The following RORA variants were observed in gnomAD, a reference collection of about 807,000 sequenced individuals.
The protein encoded by RORA is RAR related orphan receptor A.
A neutral mutation model predicts 69.5 loss-of-function variants in RORA; 7 were observed. The observed-to-expected ratio is 0.10, with a 90% CI of 0.06 to 0.19. The LOEUF is 0.19. Ranked by LOEUF, RORA falls within the 10% of genes least tolerant of loss-of-function variation. The pLI is 1.00. For synonymous variants in RORA, 261 were observed against 240.8 expected (o/e 1.08, Z -0.78); for missense variants, 457 against 663.0 (o/e 0.69, Z 3.41).
intron 1 of RORA, among the ~76,000 whole-genome samples, chr15:60,772,075 T>G (rs1595702667): frequency 6.6e-6 from 1 of 152,154 alleles, no homozygotes; most frequent in Non-Finnish European, 1.5e-5. Context: ...ATTTATATTA[T>G]ACTTTAAGTT....
At chr15:61,037,890 T>C (rs73424325) in intron 1 of RORA, among the ~76,000 whole-genome samples, 4 of 152,272 alleles carry the variant, frequency 2.6e-5, no homozygotes, top group Non-Finnish European at 5.9e-5. Context: ...AGAGCAGACA[T>C]AGCATGCCAT....
At position 60,492,643 on chromosome 15, in the gene RORA, ATATT is replaced by A. The variant is rs1320999470; in HGVS notation, c.*4808_*4811del. 6.6e-6 allele frequency: 1 copy of A among 152,154 alleles called. No individual in the cohort carries two copies. The highest frequency in any genetic ancestry group is 2.4e-5 in the African/African-American group (1 of 41,434). 9.4% of individuals were successfully genotyped at this position (152,154 alleles called of 1,614,324 possible). ...GTTTTTAACATATGATGCTATATAT[ATATT>A]TATCATGAATATTTTAATTATTAGA... On this transcript the variant is annotated 3_prime_UTR_variant, in exon 11 of 11. Coordinates refer to ENST00000335670, the MANE Select transcript of RORA (RefSeq NM_134261.3).
chr15:60,548,701 G>T (rs1225719331), intron 2 of RORA, among the ~76,000 whole-genome samples: 2 of 152,100 alleles, frequency 1.3e-5, no homozygotes, highest in Non-Finnish European at 2.9e-5. Flanking sequence ...GCAGTGGCGC[G>T]ATCTCGGCTC....
chr15:60,640,815 C>T (rs1353130697), intron 2 of RORA, among the ~76,000 whole-genome samples: 1 of 152,194 alleles, frequency 6.6e-6, no homozygotes, highest in African/African-American at 2.4e-5. Flanking sequence ...CCTAGTCACT[C>T]TCTATCACAG....
intron 1 of RORA, among the ~76,000 whole-genome samples, chr15:60,769,669 GA>G: frequency 6.6e-6 from 1 of 152,094 alleles, no homozygotes; most frequent in East Asian, 1.9e-4. Flanking sequence ...GTGCCTCTCT[GA>G]TGTCTGATAT....
rs967745995 is a variant in RORA at position 60,493,576 on chromosome 15, T to G, written c.*3879A>C. 1.3e-5 allele frequency: 2 copies of G among 152,060 alleles called. No individual in the cohort carries two copies. The highest frequency in any genetic ancestry group is 2.9e-5 in the Non-Finnish European group (2 of 67,996). 9.4% of individuals were successfully genotyped at this position (152,060 alleles called of 1,614,324 possible). A position where few individuals can be genotyped will look rare whatever the true frequency, so the allele number is the denominator to read the frequency against. On this transcript the variant is annotated 3_prime_UTR_variant, in exon 11 of 11. Coordinates refer to ENST00000335670, the MANE Select transcript of RORA (RefSeq NM_134261.3). ...AAACACACATTTCTACTATGGCACATTCAATGAAATAAAAAGTTTTCCAAA... is the reference window on the plus strand; with the variant it reads ...AAACACACATTTCTACTATGGCACAGTCAATGAAATAAAAAGTTTTCCAAA...
rs542006748 is a variant in RORA, at chr15:60,732,935, A to G, written c.167-54249T>C. ...CATCATAGTATTTTCTTTCAAAACA[A>G]AAACTACTTTCTTTTGACAGAAATC... is the stretch of plus-strand genomic sequence containing the variant. On this transcript the variant is annotated intron_variant, in intron 1 of 10. Transcript: ENST00000335670. Among the ~76,000 whole-genome samples, 38 of 152,310 alleles carry G rather than the reference A, an allele frequency of 2.5e-4. 3 individuals carry two copies. In the South Asian group the frequency reaches 7.7e-3, roughly 31 times the overall value.
rs2141258552 is a variant in RORA, at chr15:60,499,902, A to G, written c.1397T>C (p.Ile466Thr). The stretch of plus-strand genomic sequence containing the variant: ...GCCTTTGGCACTCACCTTTGTTAGT[A>G]TTCCATCTTCTCGGTGATTCTTCTG... ...VLQKNHREDG[I>T]LTKLICKVST... Residue 466 changes from isoleucine (I) to threonine (T), a missense_variant, in exon 10 of 11, where the codon ATA becomes ACA. Ile to Thr is a moderately conservative substitution (Grantham distance 89). Coordinates refer to ENST00000335670, the MANE Select transcript of RORA (RefSeq NM_134261.3). The G allele has an allele frequency of 6.3e-7, 1 of 1,595,848 alleles. No homozygotes were observed. The highest frequency in any genetic ancestry group is 8.6e-7 in the Non-Finnish European group (1 of 1,165,278).
rs192525023 is a variant in RORA, at chr15:60,864,219, C to T, written c.167-185533G>A. On this transcript the variant is annotated intron_variant, in intron 1 of 10. Coordinates refer to ENST00000335670, the MANE Select transcript of RORA (RefSeq NM_134261.3). ...TTAAAAAGGAAGAGAAAATGAATGT[C>T]AGAGCTTGTGAAAATGACTGTTGAG... is the stretch of plus-strand genomic sequence containing the variant. 1.3e-5 allele frequency among the ~76,000 whole-genome samples: 2 copies of T among 152,226 alleles called. 1 individual carries two copies. The highest frequency in any genetic ancestry group is 4.8e-5 in the African/African-American group (2 of 41,530).
At chr15:60,846,807 G>A (rs556153720) in intron 1 of RORA, among the ~76,000 whole-genome samples, 1 of 152,296 alleles carries the variant, frequency 6.6e-6, no homozygotes, top group African/African-American at 2.4e-5. Flanking sequence ...AATAAACATT[G>A]CTATTGTTTT....
At chr15:61,017,700 G>A (rs562228104) in intron 1 of RORA, among the ~76,000 whole-genome samples, 1 of 152,138 alleles carries the variant, frequency 6.6e-6, no homozygotes, top group African/African-American at 2.4e-5. Flanking sequence ...AATCAGCCAC[G>A]AGCCCCCCAA....
intron 1 of RORA, among the ~76,000 whole-genome samples, chr15:61,083,476 A>T (rs901484827): frequency 2.0e-5 from 3 of 152,094 alleles, no homozygotes; most frequent in Admixed American, 2.0e-4. Context: ...GTCCCTCTGA[A>T]TCTGAGGCTG....
intron 1 of RORA, among the ~76,000 whole-genome samples, chr15:60,893,119 T>TA (rs1199563824): frequency 6.6e-6 from 1 of 152,208 alleles, no homozygotes; most frequent in Non-Finnish European, 1.5e-5. Flanking sequence ...TGTCTCCTGT[T>TA]ATGTGCTTCA....
rs1170458444 is a variant in RORA at position 60,700,865 on chromosome 15, T to C, written c.167-22179A>G. Among the ~76,000 whole-genome samples the C allele has an allele frequency of 2.0e-5, 3 of 152,190 alleles. No individual in the cohort carries two copies. In the East Asian group the frequency reaches 5.8e-4, roughly 29 times the overall value. ...ACACCCAGAGTATATTGGTTGTCTC[T>C]CCCTAGCACATCCTTAATCCAGCCT... On this transcript the variant is annotated intron_variant, in intron 1 of 10. Transcript: ENST00000335670.
At chr15:60,624,025 G>A (rs2069494271) in intron 2 of RORA, among the ~76,000 whole-genome samples, 2 of 144,418 alleles carry the variant, frequency 1.4e-5, no homozygotes, top group Non-Finnish European at 3.0e-5. Flanking sequence ...CAGGTGGAGA[G>A]TAGGGGGTGG....
At chr15:61,068,584 T>C (rs918029677) in intron 1 of RORA, among the ~76,000 whole-genome samples, 1 of 152,218 alleles carries the variant, frequency 6.6e-6, no homozygotes, top group Non-Finnish European at 1.5e-5. Context: ...GGCATCTAAA[T>C]GTATACAAGC....
At chr15:60,742,477 G>T (rs1053672448) in intron 1 of RORA, among the ~76,000 whole-genome samples, 1 of 152,200 alleles carries the variant, frequency 6.6e-6, no homozygotes, top group Non-Finnish European at 1.5e-5. Context: ...TTACCTCACA[G>T]ACATCATTTT....
rs869076097 is a variant in RORA, at chr15:60,579,064, GTTTTTTT to G, written c.197-47220_197-47214del. On this transcript the variant is annotated intron_variant, in intron 2 of 10. Transcript: ENST00000335670. ...TTACAGGTGTGAGCCACCGCGCCCG[GTTTTTTT>G]TTTTTTTTTTTTTTTAACAGCAACT... Among the ~76,000 whole-genome samples the G allele has an allele frequency of 1.0e-3, 134 of 129,672 alleles. 1 individual carries two copies. Among genetic ancestry groups the G allele is most frequent in the Middle Eastern group, 4.2e-3 (1 of 240 alleles). The allele number at this position is 129,672 out of a possible 152,430, so 85.1% of individuals were successfully genotyped here. A position where few individuals can be genotyped will look rare whatever the true frequency, so the allele number is the denominator to read the frequency against.
rs370894626 is a variant in RORA, at chr15:60,617,820, T to C, written c.196+60837A>G. The stretch of plus-strand genomic sequence containing the variant: ...AAGGAGGCCTCAGTTCATCCAGTTC[T>C]TGATAACAGTTGCTAAGCCCAAGTT... On this transcript the variant is annotated intron_variant, in intron 2 of 10. Coordinates refer to ENST00000335670, the MANE Select transcript of RORA (RefSeq NM_134261.3). 1.2e-4 allele frequency among the ~76,000 whole-genome samples: 19 copies of C among 152,308 alleles called. 1 individual carries two copies. The East Asian group carries it at 2.5e-3, about 20-fold the overall frequency.
Sources: gnomAD v4.1 joint callset for allele counts (sites outside exome capture counted in the v4.1 genomes callset) on GRCh38, gnomAD v4.1.1 for gene constraint, MANE v1.5 for transcripts, NCBI Gene and HGNC (gene_info 2026-07-23, HGNC 2026-07-21) for gene names.